Variants in RAPGEF2 observed in about 807,000 individuals in gnomAD.
The protein encoded by RAPGEF2 is PDZ domain containing guanine nucleotide exchange factor (GEF) 1.
RAPGEF2 carries 54 observed loss-of-function variants against 186.7 expected under a neutral mutation model. The observed-to-expected ratio is 0.29, with a 90% CI of 0.23 to 0.36. RAPGEF2 has a LOEUF of 0.36. RAPGEF2 is among the 10% of genes least tolerant of loss of function. The probability of loss-of-function intolerance (pLI) is 1.00; values close to 1 mark genes in which losing one functional copy is unlikely to be tolerated. For missense variants in RAPGEF2, 1,532 were observed against 2,045.0 expected, an observed-to-expected ratio of 0.75 and a Z score of 4.84; for synonymous variants, 712 against 705.9, an observed-to-expected ratio of 1.01 and a Z score of -0.14.
intron 1 of RAPGEF2, among the ~76,000 whole-genome samples, chr4:159,129,560 T>G (rs1740774483): frequency 6.6e-6 from 1 of 152,210 alleles, no homozygotes; most frequent in African/African-American, 2.4e-5. Context: ...TATTATCAAT[T>G]TACCAATGAA....
At chr4:159,233,481 A>G (rs1232249304) in intron 4 of RAPGEF2, among the ~76,000 whole-genome samples, 1 of 152,234 alleles carries the variant, frequency 6.6e-6, no homozygotes, top group Non-Finnish European at 1.5e-5. Context: ...AGCAACCTGG[A>G]TGAGACTGGA....
chr4:159,166,107 G>A (rs1365080518), intron 1 of RAPGEF2, among the ~76,000 whole-genome samples: 1 of 152,092 alleles, frequency 6.6e-6, no homozygotes, highest in Non-Finnish European at 1.5e-5. Context: ...AAGGTTGGGA[G>A]TTTGAAACCA....
Position 159,345,089 on chromosome 4 carries a change from A to C in RAPGEF2, c.3279-17A>C. On this transcript the variant is annotated splice_polypyrimidine_tract_variant and intron_variant, in intron 23 of 29. Transcript: ENST00000691494. Reference sequence around the variant, plus strand: ...CCATGCTAGAGTGAGCTGCATATGTACCTTTTCATCTTCCAGGTCTCTCAG... The same window carrying C: ...CCATGCTAGAGTGAGCTGCATATGTCCCTTTTCATCTTCCAGGTCTCTCAG... 1 of 1,598,732 alleles carries C rather than the reference A, an allele frequency of 6.3e-7. No homozygotes were observed. Among genetic ancestry groups the C allele is most frequent in the Non-Finnish European group, 8.6e-7 (1 of 1,166,220 alleles).
chr4:159,198,500 C>T (rs1301835257), intron 3 of RAPGEF2, among the ~76,000 whole-genome samples: 1 of 151,440 alleles, frequency 6.6e-6, no homozygotes, highest in Non-Finnish European at 1.5e-5. Context: ...GGCTGGAGTG[C>T]AGTGGCACGA....
chr4:159,110,902 A>ATATATT (rs140094221), intron 1 of RAPGEF2, among the ~76,000 whole-genome samples: 94,586 of 150,740 alleles, frequency 0.63, 30,498 homozygotes, highest in African/African-American at 0.79. Flanking sequence ...GAGCTAGAAT[A>ATATATT]TATATTTATG....
intron 13 of RAPGEF2, among the ~76,000 whole-genome samples, 159 bp from the exon 14 acceptor site, chr4:159,331,272 A>C (rs887994579): frequency 2.0e-5 from 3 of 152,230 alleles, no homozygotes; most frequent in African/African-American, 7.2e-5. Context: ...ACTCATTTTC[A>C]GAAGGTCATC....
intron 2 of RAPGEF2, among the ~76,000 whole-genome samples, chr4:159,190,710 G>A (rs931204416): frequency 2.0e-5 from 3 of 152,176 alleles, no homozygotes; most frequent in Non-Finnish European, 4.4e-5. Context: ...AGAAGAATGA[G>A]TGCCCAGCGA....
At chr4:159,236,483 A>G (rs1305510627) in intron 4 of RAPGEF2, among the ~76,000 whole-genome samples, 1 of 152,242 alleles carries the variant, frequency 6.6e-6, no homozygotes, top group African/African-American at 2.4e-5. Context: ...TTATGTGAAC[A>G]TTAACATCTT....
chr4:159,143,024 A>C (rs954491734), intron 1 of RAPGEF2, among the ~76,000 whole-genome samples: 2 of 152,238 alleles, frequency 1.3e-5, no homozygotes, highest in African/African-American at 4.8e-5. Flanking sequence ...TCTCACTAAA[A>C]ACCTTCATAT....
intron 4 of RAPGEF2, among the ~76,000 whole-genome samples, chr4:159,218,305 A>G (rs193198974): frequency 1.1e-3 from 173 of 152,328 alleles, no homozygotes; most frequent in African/African-American, 3.1e-3. Context: ...AGGAAAAACT[A>G]CAAATCATGT....
chr4:159,125,903 T>C (rs539106657), intron 1 of RAPGEF2, among the ~76,000 whole-genome samples: 1 of 152,358 alleles, frequency 6.6e-6, no homozygotes, highest in Non-Finnish European at 1.5e-5. Context: ...GCTTTCATCA[T>C]GGTTCAGGAG....
chr4:159,254,516 C>T (rs1755895617), intron 7 of RAPGEF2, among the ~76,000 whole-genome samples: 1 of 150,044 alleles, frequency 6.7e-6, no homozygotes, highest in Non-Finnish European at 1.5e-5. Flanking sequence ...ACCAGTGGAG[C>T]GTTAAGGGAA....
At chr4:159,212,769 T>A (rs546863475) in intron 4 of RAPGEF2, among the ~76,000 whole-genome samples, 2 of 152,322 alleles carry the variant, frequency 1.3e-5, no homozygotes, top group South Asian at 4.1e-4. Flanking sequence ...ATCATCATCT[T>A]AATACAGGGT....
intron 7 of RAPGEF2, among the ~76,000 whole-genome samples, chr4:159,295,752 TGTGCGCGCGC>T (rs1452419329): frequency 2.2e-4 from 25 of 111,840 alleles, no homozygotes; most frequent in African/African-American, 7.1e-4. Flanking sequence ...TGTGTGTGTG[TGTGCGCGCGC>T]GCGCGCGCGC....
chr4:159,340,779 CCACA>C (rs10562531), intron 19 of RAPGEF2, among the ~76,000 whole-genome samples: 12,914 of 106,014 alleles, frequency 0.12, 1,970 homozygotes, highest in Middle Eastern at 0.2. Flanking sequence ...ACCACCATCA[CCACA>C]CACACACACA....
chr4:159,147,339 A>G (rs547328092), intron 1 of RAPGEF2, among the ~76,000 whole-genome samples: 20 of 152,316 alleles, frequency 1.3e-4, no homozygotes, highest in Admixed American at 1.2e-3. Flanking sequence ...GATTTTCACT[A>G]GAAACTAAAC....
rs1397538983 is a variant in RAPGEF2, at chr4:159,280,433, T to C, written c.544-23909T>C. Reference sequence around the variant, plus strand: ...ATGGATTCTTCTTTCTTGGCACTGCTAGTGGCACTATATTCGGTCTCTACT... The same window carrying C: ...ATGGATTCTTCTTTCTTGGCACTGCCAGTGGCACTATATTCGGTCTCTACT... On this transcript the variant is annotated intron_variant, in intron 7 of 29. Transcript: ENST00000691494. 2.6e-5 allele frequency among the ~76,000 whole-genome samples: 4 copies of C among 152,240 alleles called. 1 individual carries two copies. The South Asian group carries it at 8.3e-4, about 32-fold the overall frequency.
chr4:159,219,602 G>C (rs1305836901), intron 4 of RAPGEF2, among the ~76,000 whole-genome samples: 1 of 152,124 alleles, frequency 6.6e-6, no homozygotes, highest in Non-Finnish European at 1.5e-5. Context: ...TGATCTGCCT[G>C]CCTCAGCCTC....
At chr4:159,104,871 AG>A (rs1489874836) in intron 1 of RAPGEF2, among the ~76,000 whole-genome samples, 1 of 152,214 alleles carries the variant, frequency 6.6e-6, no homozygotes, top group Non-Finnish European at 1.5e-5. Context: ...TTTCAATTGA[AG>A]GGAAAAAAAG....
Sources: gnomAD v4.1 joint callset for allele counts (sites outside exome capture counted in the v4.1 genomes callset) on GRCh38, gnomAD v4.1.1 for gene constraint, MANE v1.5 for transcripts, NCBI Gene and HGNC (gene_info 2026-07-23, HGNC 2026-07-21) for gene names.